PARD3: variants seen among roughly 807,000 people sequenced by gnomAD.
PARD3 encodes the protein par-3 family cell polarity regulator.
In PARD3, 75 loss-of-function variants were observed where a neutral mutation model predicts 155.4. That is an observed-to-expected ratio of 0.48 (90% CI 0.40 to 0.58). The LOEUF (loss-of-function observed/expected upper bound fraction) is 0.58. Among genes scored for constraint, PARD3 ranks in the 20% least tolerant of loss-of-function variants. The pLI is 0.00. For synonymous variants in PARD3, 576 were observed against 610.5 expected, an observed-to-expected ratio of 0.94 and a Z score of 0.83; for missense variants, 1,642 against 1,721.7, an observed-to-expected ratio of 0.95 and a Z score of 0.82.
chr10:34,710,868 A>C (rs2094440255), intron 1 of PARD3, among the ~76,000 whole-genome samples: 1 of 152,162 alleles, frequency 6.6e-6, no homozygotes, highest in Non-Finnish European at 1.5e-5. Context: ...GTATCTTCCC[A>C]AATCCAGTTT....
At chr10:34,229,689 C>T in intron 22 of PARD3, among the ~76,000 whole-genome samples, 1 of 146,196 alleles carries the variant, frequency 6.8e-6, no homozygotes, top group East Asian at 2.0e-4. Context: ...TGTGTGTGTT[C>T]AACCTGCTCA....
chr10:34,525,501 C>G (rs1349300566), intron 2 of PARD3, among the ~76,000 whole-genome samples: 1 of 152,208 alleles, frequency 6.6e-6, no homozygotes, highest in Non-Finnish European at 1.5e-5. Context: ...GGTATATGTT[C>G]CAGCCTTGCC....
chr10:34,386,448 C>G (rs1224910904), intron 7 of PARD3, among the ~76,000 whole-genome samples: 1 of 152,096 alleles, frequency 6.6e-6, no homozygotes, highest in Non-Finnish European at 1.5e-5. Context: ...TAAATGTGAT[C>G]ATGTCCATAA....
chr10:34,481,662 G>A (rs184158470), intron 3 of PARD3, among the ~76,000 whole-genome samples: 44 of 152,186 alleles, frequency 2.9e-4, no homozygotes, highest in Non-Finnish European at 5.4e-4. Flanking sequence ...ATTTTGCTAT[G>A]GGAGAGCTAC....
In PARD3 at chr10:34,684,778, TACACACACACACACACACACACACACAC is replaced by T. The variant is rs3087285; in HGVS notation, c.222+11512_222+11539del. On this transcript the variant is annotated intron_variant, in intron 2 of 24. Transcript: ENST00000374788. ...TATAAGACTTTGGCTTGATGATACA[TACACACACACACACACACACACACACAC>T]ACACACACACACACACACACACACA... is the stretch of plus-strand genomic sequence containing the variant. 7.6e-5 allele frequency among the ~76,000 whole-genome samples: 9 copies of T among 119,118 alleles called. No individual in the cohort carries two copies. The East Asian group carries it at 8.6e-4, about 11-fold the overall frequency. 78.1% of individuals were successfully genotyped at this position (119,118 alleles called of 152,430 possible).
At chr10:34,232,741 C>A (rs1176681998) in intron 22 of PARD3, among the ~76,000 whole-genome samples, 4 of 152,068 alleles carry the variant, frequency 2.6e-5, no homozygotes. Flanking sequence ...TGCTGTATTG[C>A]CCAAGCGGGA....
intron 1 of PARD3, among the ~76,000 whole-genome samples, chr10:34,764,187 TAATC>T (rs886636594): frequency 3.9e-5 from 6 of 152,174 alleles, no homozygotes; most frequent in African/African-American, 1.4e-4. Context: ...AGAAATTTCT[TAATC>T]AACAAGAGTT....
At chr10:34,162,106 C>T (rs754249592) in intron 22 of PARD3, among the ~76,000 whole-genome samples, 5 of 150,992 alleles carry the variant, frequency 3.3e-5, no homozygotes, top group African/African-American at 4.8e-5. Context: ...GAAGAATCTC[C>T]GACCCACCCC....
intron 22 of PARD3, among the ~76,000 whole-genome samples, chr10:34,252,120 G>T (rs1373921449): frequency 1.3e-5 from 2 of 152,174 alleles, no homozygotes; most frequent in South Asian, 2.1e-4. Flanking sequence ...GTGCTGGGGA[G>T]GGGGAGGGGA....
In PARD3 at chr10:34,721,541, G is replaced by T. The variant is rs184618741; in HGVS notation, c.121-25122C>A. On this transcript the variant is annotated intron_variant, in intron 1 of 24. Coordinates refer to ENST00000374788, the MANE Select transcript of PARD3 (RefSeq NM_001184785.2). Reference sequence around the variant, plus strand: ...AGAGGGGCTCCAGAGCATCCCCCAGGAGTGCCCAGCATCCACAGTGATAAG... The same window carrying T: ...AGAGGGGCTCCAGAGCATCCCCCAGTAGTGCCCAGCATCCACAGTGATAAG... Among the ~76,000 whole-genome samples, 20 of 152,342 alleles carry T rather than the reference G, an allele frequency of 1.3e-4. No homozygotes were observed. The East Asian group carries it at 3.5e-3, about 26-fold the overall frequency.
chr10:34,709,346 T>C (rs914437355), intron 1 of PARD3, among the ~76,000 whole-genome samples: 1 of 152,174 alleles, frequency 6.6e-6, no homozygotes, highest in Non-Finnish European at 1.5e-5. Context: ...ATGTCAGGGC[T>C]CAAAAAGTTC....
intron 22 of PARD3, among the ~76,000 whole-genome samples, chr10:34,191,781 T>C (rs777833632): frequency 6.6e-6 from 1 of 152,068 alleles, no homozygotes; most frequent in Non-Finnish European, 1.5e-5. Flanking sequence ...AGAACAACAG[T>C]CTCAGCGTCA....
At chr10:34,712,896 C>G (rs969560875) in intron 1 of PARD3, among the ~76,000 whole-genome samples, 2 of 152,102 alleles carry the variant, frequency 1.3e-5, no homozygotes, top group African/African-American at 4.8e-5. Flanking sequence ...CAAACCTGCA[C>G]AAGTATCCCT....
intron 2 of PARD3, among the ~76,000 whole-genome samples, chr10:34,638,623 C>A (rs1009820246): frequency 1.3e-5 from 2 of 152,226 alleles, no homozygotes; most frequent in East Asian, 3.8e-4. Context: ...TGCTCACTCA[C>A]AAACTGGCAG....
intron 23 of PARD3, among the ~76,000 whole-genome samples, chr10:34,129,072 C>G (rs542647627): frequency 2.0e-5 from 3 of 152,240 alleles, no homozygotes; most frequent in Non-Finnish European, 4.4e-5. Flanking sequence ...AGGGGTTCTA[C>G]TTGCATCTGC....
chr10:34,739,235 C>A (rs1206716471), intron 1 of PARD3, among the ~76,000 whole-genome samples: 1 of 152,110 alleles, frequency 6.6e-6, no homozygotes, highest in East Asian at 1.9e-4. Context: ...TTAAAGTCAA[C>A]GTTGGTTCAT....
intron 1 of PARD3, among the ~76,000 whole-genome samples, chr10:34,790,471 G>A (rs543398516): frequency 6.6e-6 from 1 of 152,324 alleles, no homozygotes; most frequent in South Asian, 2.1e-4. Context: ...GATAAGGCTA[G>A]CAAGCCCAGA....
intron 2 of PARD3, among the ~76,000 whole-genome samples, chr10:34,559,187 C>T (rs752139008): frequency 1.3e-5 from 2 of 152,024 alleles, no homozygotes; most frequent in Non-Finnish European, 2.9e-5. Context: ...TAATTGCGGA[C>T]GTGTCTCACA....
Position 34,110,995 on chromosome 10 carries a change from G to T in PARD3, c.*174C>A. 1.7e-6 allele frequency: 1 copy of T among 587,636 alleles called. No homozygotes were observed. The highest frequency in any genetic ancestry group is 2.8e-6 in the Non-Finnish European group (1 of 354,822). The allele number at this position is 587,636 out of a possible 1,614,324, so 36.4% of individuals were successfully genotyped here. On this transcript the variant is annotated 3_prime_UTR_variant, in exon 25 of 25. Coordinates refer to ENST00000374788, the MANE Select transcript of PARD3 (RefSeq NM_001184785.2). ...CCATGAAACAGACACTTGAGACATA[G>T]TGGCAAAGACATTAAGGCCTTCCAT... is the stretch of plus-strand genomic sequence containing the variant.
Sources: gnomAD v4.1 joint callset for allele counts (sites outside exome capture counted in the v4.1 genomes callset) on GRCh38, gnomAD v4.1.1 for gene constraint, MANE v1.5 for transcripts, NCBI Gene and HGNC (gene_info 2026-07-23, HGNC 2026-07-21) for gene names.